RBP7: variants seen among roughly 807,000 people sequenced by gnomAD.
RBP7 encodes retinol binding protein 7.
RBP7 carries 13 observed loss-of-function variants against 16.7 expected under a neutral mutation model. That is an observed-to-expected ratio of 0.78 (90% confidence interval 0.51 to 1.24). RBP7 has a LOEUF of 1.24. RBP7 is among the 50% of genes most tolerant of loss of function. The pLI is 0.00. For missense variants in RBP7, 145 were observed against 159.5 expected (o/e 0.91, Z 0.49); for synonymous variants, 54 against 56.2 (o/e 0.96, Z 0.17).
chr1:10,002,796 A>G (rs1022591898), intron 1 of RBP7, among the ~76,000 whole-genome samples: 11 of 152,132 alleles, frequency 7.2e-5, no homozygotes, highest in Non-Finnish European at 1.5e-4. Flanking sequence ...GAGCCACTGG[A>G]CCTGGCCCAG....
intron 2 of RBP7, 65 bp downstream of exon 2, chr1:10,007,813 A>G (rs1642488002): frequency 2.0e-6 from 3 of 1,469,512 alleles, no homozygotes; most frequent in Non-Finnish European, 2.8e-6. Flanking sequence ...TTGGGAGGCC[A>G]ACGCAGGCGG....
At chr1:10,000,941 G>C (rs1336096101) in intron 1 of RBP7, among the ~76,000 whole-genome samples, 1 of 152,070 alleles carries the variant, frequency 6.6e-6, no homozygotes, top group African/African-American at 2.4e-5. Context: ...TTACCATCTT[G>C]GCCAGGCTGG....
intron 3 of RBP7, among the ~76,000 whole-genome samples, chr1:10,015,314 C>CCTGTAAT (rs1030498336): frequency 2.0e-5 from 3 of 152,050 alleles, no homozygotes; most frequent in African/African-American, 7.2e-5. Flanking sequence ...GTGGCACACA[C>CCTGTAAT]CTGTAATCCT....
rs1642201199 is a variant in RBP7 at position 9,997,887 on chromosome 1, G to A, written c.73+556G>A. On this transcript the variant is annotated intron_variant, in intron 1 of 3. Coordinates refer to ENST00000294435, the MANE Select transcript of RBP7 (RefSeq NM_052960.3). This position sits in a 1 kb window ranked among gnomAD's most constrained non-coding sequence, Gnocchi z 5.9. ...GGGGATGCAGAATCCTGGAGCCAGC[G>A]GACGACCCTTCAGGTCCGGGCACCC... 6.6e-6 allele frequency among the ~76,000 whole-genome samples: 1 copy of A among 152,090 alleles called. No homozygotes were observed. The highest frequency in any genetic ancestry group is 2.1e-4 in the South Asian group (1 of 4,836).
At chr1:10,006,888 A>G in intron 1 of RBP7, 2 of 397,460 alleles carry the variant, frequency 5.0e-6, no homozygotes, top group South Asian at 3.6e-5. Context: ...AGGCAGAAAA[A>G]GGCAGAGTTA....
intron 3 of RBP7, among the ~76,000 whole-genome samples, chr1:10,011,231 G>A (rs939345570): frequency 1.3e-5 from 2 of 151,726 alleles, no homozygotes; most frequent in African/African-American, 4.8e-5. Flanking sequence ...CTTAGACAAC[G>A]TGATAGTCAT....
At chr1:10,012,063 C>T in intron 3 of RBP7, among the ~76,000 whole-genome samples, 1 of 151,260 alleles carries the variant, frequency 6.6e-6, no homozygotes, top group East Asian at 1.9e-4. Context: ...AAAAAAAAAT[C>T]AGCTGAGAGT....
rs1642439716 is a variant in RBP7 at position 10,006,364 on chromosome 1, T to G, written c.74-1206T>G. Among the ~76,000 whole-genome samples, 3 of 151,820 alleles carry G rather than the reference T, an allele frequency of 2.0e-5. No homozygotes were observed. The Admixed American group carries it at 2.0e-4, about 10-fold the overall frequency. On this transcript the variant is annotated intron_variant, in intron 1 of 3. Coordinates refer to ENST00000294435, the MANE Select transcript of RBP7 (RefSeq NM_052960.3). ...TCTACAAAAAAATATTTAAAACATT[T>G]CCAGGCATGGTGGCATGTGCCTGTA... is the stretch of plus-strand genomic sequence containing the variant.
intron 3 of RBP7, among the ~76,000 whole-genome samples, 169 bp downstream of exon 3, chr1:10,008,443 A>ATTT (rs375450283): frequency 2.2e-5 from 3 of 134,404 alleles, no homozygotes; most frequent in Non-Finnish European, 4.8e-5. Context: ...CATCTCTACT[A>ATTT]TTTTTTTTTT....
chr1:10,001,462 C>T (rs998796154), intron 1 of RBP7, among the ~76,000 whole-genome samples: 4 of 152,100 alleles, frequency 2.6e-5, no homozygotes, highest in African/African-American at 9.7e-5. Flanking sequence ...CATACCACCA[C>T]ACTTGGCCAA....
rs775807636 is a variant in RBP7 at position 10,015,873 on chromosome 1, A to G, written c.*41A>G. 19 of 1,580,788 alleles carry G rather than the reference A, an allele frequency of 1.2e-5. No individual in the cohort carries two copies. The highest frequency in any genetic ancestry group is 1.3e-5 in the African/African-American group (1 of 74,228). On this transcript the variant is annotated 3_prime_UTR_variant, in exon 4 of 4. Coordinates refer to ENST00000294435, the MANE Select transcript of RBP7 (RefSeq NM_052960.3). ...AGAGCCCACTTGTGGCTGCAGCTTT[A>G]TGCCAAATTATATTGCAGACTGAAC...
At chr1:10,001,809 G>GTTTATTTATTTATTTA (rs112287943) in intron 1 of RBP7, among the ~76,000 whole-genome samples, 399 of 145,624 alleles carry the variant, frequency 2.7e-3, no homozygotes, top group Non-Finnish European at 3.7e-3. Context: ...AATTTAATTA[G>GTTTATTTATTTATTTA]TTTATTTATT....
chr1:10,007,739 A>C lies in RBP7; in HGVS notation c.243A>C (p.Arg81Ser). The C allele has an allele frequency of 6.2e-7, 1 of 1,611,346 alleles. No homozygotes were observed. The highest frequency in any genetic ancestry group is 8.5e-7 in the Non-Finnish European group (1 of 1,179,352). ...AAGATAACAGAGGCCTGGACAACAG[A>C]AAATGCAAGGTAAAATGTAAAGAAA... is the stretch of plus-strand genomic sequence containing the variant. Reference protein sequence around the residue: ...FDEDNRGLDNRKCKSLVIWDN... With the variant: ...FDEDNRGLDNSKCKSLVIWDN... Residue 81 changes from arginine (R) to serine (S), a missense_variant, in exon 2 of 4, where the codon AGA (arginine) becomes AGC (serine). By Grantham distance (110) the Arg-to-Ser change is moderately radical. Transcript: ENST00000294435.
chr1:10,002,403 T>C (rs1642301891), intron 1 of RBP7, among the ~76,000 whole-genome samples: 1 of 152,116 alleles, frequency 6.6e-6, no homozygotes, highest in Non-Finnish European at 1.5e-5. Context: ...AACAGCCTTA[T>C]GAGGAATATG....
intron 3 of RBP7, among the ~76,000 whole-genome samples, chr1:10,014,390 CTT>C (rs796691409): frequency 4.9e-5 from 7 of 142,020 alleles, no homozygotes; most frequent in Non-Finnish European, 1.5e-5. Context: ...TTTCTTTTTT[CTT>C]TTTTTTTTTT....
chr1:10,010,234 G>A (rs1642575229), intron 3 of RBP7, among the ~76,000 whole-genome samples: 1 of 152,038 alleles, frequency 6.6e-6, no homozygotes, highest in Admixed American at 6.6e-5. Flanking sequence ...TCCTGTCTCA[G>A]CCTCCCAAGT....
chr1:10,015,184 G>A (rs1474282242), intron 3 of RBP7, among the ~76,000 whole-genome samples: 2 of 152,164 alleles, frequency 1.3e-5, no homozygotes, highest in East Asian at 3.9e-4. Context: ...GCTCATGCTT[G>A]TAATCCCAGC....
intron 3 of RBP7, among the ~76,000 whole-genome samples, chr1:10,009,959 AC>A (rs763140599): frequency 6.6e-6 from 1 of 152,054 alleles, no homozygotes; most frequent in South Asian, 2.1e-4. Context: ...TACTTTATGT[AC>A]CAAAAAATGC....
chr1:10,012,848 C>T (rs1219629995), intron 3 of RBP7, among the ~76,000 whole-genome samples: 1 of 144,816 alleles, frequency 6.9e-6, no homozygotes, highest in Non-Finnish European at 1.5e-5. Context: ...GCAGGAGAAT[C>T]ACTTGAACCT....
Sources: gnomAD v4.1 joint callset for allele counts (sites outside exome capture counted in the v4.1 genomes callset) on GRCh38, gnomAD v4.1.1 for gene constraint, Gnocchi (gnomAD v3.1) non-coding constraint, MANE v1.5 for transcripts, NCBI Gene and HGNC (gene_info 2026-07-23, HGNC 2026-07-21) for gene names.